RINT1: variants seen among roughly 807,000 people sequenced by gnomAD.
RINT1 encodes RAD50-interacting protein 1.
RINT1 carries 75 observed loss-of-function variants against 97.7 expected under a neutral mutation model. That is an observed-to-expected ratio of 0.77 (90% CI 0.64 to 0.93). The LOEUF (loss-of-function observed/expected upper bound fraction) is 0.93. Ranked by LOEUF, RINT1 falls within the 40% of genes least tolerant of loss-of-function variation. The pLI is 0.00. For synonymous variants in RINT1, 303 were observed against 326.3 expected, an observed-to-expected ratio of 0.93 and a Z score of 0.77; for missense variants, 892 against 925.2, an observed-to-expected ratio of 0.96 and a Z score of 0.47.
chr7:105,562,412 A>G (rs564682742), intron 11 of RINT1, among the ~76,000 whole-genome samples: 176 of 152,220 alleles, frequency 1.2e-3, no homozygotes, highest in African/African-American at 3.2e-3. Context: ...ACACTCAGCT[A>G]ATTTTTAATT....
chr7:105,545,683 G>A (rs1212640642), intron 4 of RINT1, among the ~76,000 whole-genome samples: 5 of 151,612 alleles, frequency 3.3e-5, no homozygotes, highest in Non-Finnish European at 2.9e-5. Context: ...CCATGACCAC[G>A]CCTGGCTAGT....
At chr7:105,532,717 G>C in intron 1 of RINT1, 107 bp from the exon 2 acceptor site, 2 of 1,185,812 alleles carry the variant, frequency 1.7e-6, no homozygotes, top group East Asian at 2.3e-5. Context: ...AAGTGGGAGA[G>C]CGTCTGGAAC....
At chr7:105,550,633 C>A in intron 9 of RINT1, 147 bp downstream of exon 9, 1 of 621,058 alleles carries the variant, frequency 1.6e-6, no homozygotes, top group Non-Finnish European at 2.8e-6. Context: ...CAGAGATAAT[C>A]TTTTCTTTAC....
Position 105,548,672 on chromosome 7 carries a change from C to G in RINT1, c.958C>G (p.His320Asp), listed in dbSNP as rs1369080876. The change falls in exon 7 of 15, where the codon CAC (histidine) becomes GAC (aspartate). Residue 320 changes from histidine to aspartate, a missense_variant. Transcript: ENST00000257700. ...LTPLQKRFRY[H>D]FRGNRQTNVL... is the part of the protein sequence containing the mutation. Reference sequence around the variant, plus strand: ...TCCTCTTCAGAAGAGGTTCAGGTATCACTTCAGAGGGAACCGGCAGACTAA... The same window carrying G: ...TCCTCTTCAGAAGAGGTTCAGGTATGACTTCAGAGGGAACCGGCAGACTAA... The G allele has an allele frequency of 6.2e-7, 1 of 1,614,136 alleles. No homozygotes were observed. The highest frequency in any genetic ancestry group is 2.2e-5 in the East Asian group (1 of 44,880).
chr7:105,565,248 AT>A (rs2133474511), intron 12 of RINT1, 28 bp from the exon 13 acceptor site: 2 of 1,560,084 alleles, frequency 1.3e-6, no homozygotes, highest in South Asian at 2.4e-5. Flanking sequence ...ACTGATGAAA[AT>A]TTTTTGGTAA....
In RINT1 at chr7:105,550,436, T is replaced by G. The variant is rs757717335; in HGVS notation, c.1283T>G (p.Ile428Ser). 4 of 1,614,178 alleles carry G rather than the reference T, an allele frequency of 2.5e-6. No individual in the cohort carries two copies. The Admixed American group carries it at 5.0e-5, about 20-fold the overall frequency. Residue 428 changes from isoleucine (I) to serine (S), a missense_variant, in exon 9 of 15, where the codon ATT (isoleucine) becomes AGT (serine). By Grantham distance (142) the Ile-to-Ser change is moderately radical (BLOSUM62 -2). Transcript: ENST00000257700. ...YPGTFASCMHILSEETCFQRW... is the reference protein window; with the variant it reads ...YPGTFASCMHSLSEETCFQRW... ...GGCACTTTTGCTAGTTGTATGCATATTCTATCAGAGGAAACCTGTTTTCAG... is the reference window on the plus strand; with the variant it reads ...GGCACTTTTGCTAGTTGTATGCATAGTCTATCAGAGGAAACCTGTTTTCAG...
At chr7:105,556,147 A>G (rs139769619) in intron 11 of RINT1, among the ~76,000 whole-genome samples, 1,784 of 151,388 alleles carry the variant, frequency 0.012, 31 homozygotes, top group African/African-American at 0.041. Flanking sequence ...GCTCACTGCA[A>G]CCTCTGTCTC....
rs111766918 is a variant in RINT1, at chr7:105,553,869, C to T, written c.1472-1159C>T. Among the ~76,000 whole-genome samples, 418 of 147,778 alleles carry T rather than the reference C, an allele frequency of 2.8e-3. 4 individuals carry two copies. Among genetic ancestry groups the T allele is most frequent in the Non-Finnish European group, 4.7e-3 (314 of 67,054 alleles). The stretch of plus-strand genomic sequence containing the variant: ...CTGAGTAGCTGGAACTACAGGCACC[C>T]GTCACCATACCCAGCTAATTTTTTT... On this transcript the variant is annotated intron_variant, in intron 10 of 14. Coordinates refer to ENST00000257700, the MANE Select transcript of RINT1 (RefSeq NM_021930.6).
intron 11 of RINT1, among the ~76,000 whole-genome samples, chr7:105,561,625 G>A (rs1221443498): frequency 2.0e-5 from 3 of 152,108 alleles, no homozygotes; most frequent in Admixed American, 6.5e-5. Flanking sequence ...GCAGTGGCAC[G>A]ATCTCGGCTT....
At chr7:105,553,389 T>C (rs984979554) in intron 10 of RINT1, among the ~76,000 whole-genome samples, 3 of 150,128 alleles carry the variant, frequency 2.0e-5, no homozygotes, top group African/African-American at 7.3e-5. Flanking sequence ...CCATGCCTGG[T>C]TAATTTTTTT....
At chr7:105,537,865 G>T (rs116407457) in intron 3 of RINT1, among the ~76,000 whole-genome samples, 1,683 of 150,890 alleles carry the variant, frequency 0.011, 26 homozygotes, top group African/African-American at 0.04. Context: ...GTATTTATAG[G>T]TTTTTTTTTC....
rs1562860489 is a variant in RINT1 at position 105,563,950 on chromosome 7, A to G, written c.1886+3A>G. On this transcript the variant is annotated splice_donor_region_variant and intron_variant, in intron 12 of 14. Transcript: ENST00000257700. ...GCAAAATTGTATAAAAAAGAAAGGTATGTCCTCTATGTAAGTCAGCTCTTA... is the reference window on the plus strand; with the variant it reads ...GCAAAATTGTATAAAAAAGAAAGGTGTGTCCTCTATGTAAGTCAGCTCTTA... The G allele has an allele frequency of 6.2e-7, 1 of 1,603,078 alleles. No homozygotes were observed. Among genetic ancestry groups the G allele is most frequent in the Non-Finnish European group, 8.5e-7 (1 of 1,170,372 alleles).
chr7:105,543,549 T>C (rs1366813997), intron 4 of RINT1, among the ~76,000 whole-genome samples: 1 of 152,156 alleles, frequency 6.6e-6, no homozygotes, highest in East Asian at 1.9e-4. Context: ...GATTAGTAGA[T>C]GATAAGGTCC....
intron 11 of RINT1, among the ~76,000 whole-genome samples, chr7:105,558,464 C>T (rs368447414): frequency 6.6e-5 from 10 of 152,136 alleles, no homozygotes; most frequent in Admixed American, 3.9e-4. Context: ...ATTCTTGTGC[C>T]AGAATTTTTT....
At chr7:105,543,562 A>G (rs1790544737) in intron 4 of RINT1, among the ~76,000 whole-genome samples, 1 of 152,132 alleles carries the variant, frequency 6.6e-6, no homozygotes, top group Non-Finnish European at 1.5e-5. Context: ...TAAGGTCCCC[A>G]CTATCCTTGC....
rs1791697260 is a variant in RINT1, at chr7:105,565,703, A to G, written c.2186+55A>G. The G allele has an allele frequency of 3.5e-6, 4 of 1,141,696 alleles. No homozygotes were observed. In the East Asian group the frequency reaches 9.4e-5, roughly 27 times the overall value. The allele number at this position is 1,141,696 out of a possible 1,614,324, so 70.7% of individuals were successfully genotyped here. A position where few individuals can be genotyped will look rare whatever the true frequency, so the allele number is the denominator to read the frequency against. ...ATGTATCAAATTGTTACAGGAGGCT[A>G]ACTCCTTTTAACTTTAGGGTTCTGG... On this transcript the variant is annotated intron_variant, in intron 14 of 14. Transcript: ENST00000257700.
At chr7:105,543,617 A>G (rs1790546647) in intron 4 of RINT1, among the ~76,000 whole-genome samples, 1 of 152,070 alleles carries the variant, frequency 6.6e-6, no homozygotes. Flanking sequence ...GCAACCATTA[A>G]TTTTGCCTGG....
intron 12 of RINT1, among the ~76,000 whole-genome samples, chr7:105,564,586 A>G (rs1586269651): frequency 6.6e-6 from 1 of 152,292 alleles, no homozygotes; most frequent in South Asian, 2.1e-4. Flanking sequence ...TTCATCCTTG[A>G]TAGCAAGCAG....
rs948579195 is a variant in RINT1, at chr7:105,567,618, A to G, written c.*307A>G. On this transcript the variant is annotated 3_prime_UTR_variant, in exon 15 of 15. Coordinates refer to ENST00000257700, the MANE Select transcript of RINT1 (RefSeq NM_021930.6). ...TAACCAACTTTCAATTTCCTGTGCT[A>G]ATTAAGGGAAATTCTGTTGTGGATA... 30 of 555,524 alleles carry G rather than the reference A, an allele frequency of 5.4e-5. No individual in the cohort carries two copies. The highest frequency in any genetic ancestry group is 9.2e-5 in the Non-Finnish European group (29 of 316,222). 34.4% of individuals were successfully genotyped at this position (555,524 alleles called of 1,614,324 possible).
Sources: gnomAD v4.1 joint callset for allele counts (sites outside exome capture counted in the v4.1 genomes callset) on GRCh38, gnomAD v4.1.1 for gene constraint, MANE v1.5 for transcripts, NCBI Gene and HGNC (gene_info 2026-07-23, HGNC 2026-07-21) for gene names.